Variants in ZFYVE28 observed in about 807,000 individuals in gnomAD.
ZFYVE28 encodes zinc finger FYVE-type containing 28, also known as lateral signaling target protein 2 homolog.
In ZFYVE28, 40 loss-of-function variants were observed where a neutral mutation model predicts 82.1. That is an observed-to-expected ratio of 0.49 (90% CI 0.38 to 0.63). ZFYVE28 has a LOEUF of 0.63. Among genes scored for constraint, ZFYVE28 ranks in the 30% least tolerant of loss-of-function variants. ZFYVE28 has a pLI of 0.00. For missense variants in ZFYVE28, 1,321 were observed against 1,242.1 expected (o/e 1.06, Z -0.96); for synonymous variants, 612 against 546.1 (o/e 1.12, Z -1.68).
chr4:2,346,165 A>G (rs58893146), intron 2 of ZFYVE28, among the ~76,000 whole-genome samples: 6 of 6,656 alleles, frequency 9.0e-4, no homozygotes, highest in East Asian at 9.6e-3. Context: ...CGTCTCTACT[A>G]AAAAAAAAAA....
intron 2 of ZFYVE28, among the ~76,000 whole-genome samples, chr4:2,351,441 C>T (rs992939739): frequency 1.3e-5 from 2 of 152,176 alleles, no homozygotes; most frequent in Non-Finnish European, 2.9e-5. Flanking sequence ...GGGCCAGGCA[C>T]GGTGACTCAT....
In ZFYVE28 at chr4:2,273,024, G is replaced by A. The variant is rs1040094891; in HGVS notation, c.2323+149C>T. 5.6e-5 allele frequency: 38 copies of A among 673,792 alleles called. 1 individual carries two copies. The highest frequency in any genetic ancestry group is 8.6e-4 in the Middle Eastern group (2 of 2,336). The allele number at this position is 673,792 out of a possible 1,614,324, so 41.7% of individuals were successfully genotyped here. A position where few individuals can be genotyped will look rare whatever the true frequency, so the allele number is the denominator to read the frequency against. On this transcript the variant is annotated intron_variant, in intron 10 of 12. Transcript: ENST00000290974. ...GGCAGCCTGGCACATTTGGAGTGCA[G>A]AGGTCAGGGGATCCTGGGGTCGACG...
At chr4:2,301,708 A>C (rs189343182) in intron 8 of ZFYVE28, among the ~76,000 whole-genome samples, 12 of 151,078 alleles carry the variant, frequency 7.9e-5, no homozygotes, top group African/African-American at 2.9e-4. Context: ...CAAACCAAAA[A>C]CTCTCCCACT....
chr4:2,275,722 G>A (rs1430722163), intron 8 of ZFYVE28, among the ~76,000 whole-genome samples: 1 of 152,218 alleles, frequency 6.6e-6, no homozygotes, highest in Non-Finnish European at 1.5e-5. Flanking sequence ...CAACCACTTC[G>A]GAAAAAATGT....
At chr4:2,307,292 T>G (rs987041188) in intron 7 of ZFYVE28, among the ~76,000 whole-genome samples, 4 of 152,222 alleles carry the variant, frequency 2.6e-5, no homozygotes, top group African/African-American at 7.2e-5. Context: ...TATTTTGGAT[T>G]TGAGTTCTTT....
At chr4:2,293,531 A>T (rs1440600601) in intron 8 of ZFYVE28, among the ~76,000 whole-genome samples, 1 of 152,152 alleles carries the variant, frequency 6.6e-6, no homozygotes, top group African/African-American at 2.4e-5. Flanking sequence ...AGGCAGGTGG[A>T]TCACGAGGTC....
In ZFYVE28 at chr4:2,271,463, G is replaced by A. The variant is rs1227096609; in HGVS notation, c.2429-49C>T. 1.9e-6 allele frequency: 3 copies of A among 1,583,916 alleles called. No individual in the cohort carries two copies. The Admixed American group carries it at 5.1e-5, about 27-fold the overall frequency. On this transcript the variant is annotated intron_variant, in intron 11 of 12. Coordinates refer to ENST00000290974, the MANE Select transcript of ZFYVE28 (RefSeq NM_020972.3). ...CATCAGCGACGGCAGGAGCAGGTGG[G>A]CTGGGCCGGGACCCTCAACCTACCC...
chr4:2,298,288 G>A (rs1262770695), intron 8 of ZFYVE28, among the ~76,000 whole-genome samples: 8 of 152,182 alleles, frequency 5.3e-5, no homozygotes, highest in Non-Finnish European at 8.8e-5. Context: ...AACGGCAGAG[G>A]ATGAGTGGTG....
intron 1 of ZFYVE28, among the ~76,000 whole-genome samples, chr4:2,391,018 G>T (rs9994065): frequency 0.18 from 27,939 of 152,212 alleles, 3,065 homozygotes; most frequent in African/African-American, 0.31. Flanking sequence ...CTGCTGTGGG[G>T]CAGGGAGCAG....
At chr4:2,388,722 C>T (rs972251679) in intron 1 of ZFYVE28, among the ~76,000 whole-genome samples, 4 of 152,226 alleles carry the variant, frequency 2.6e-5, no homozygotes, top group Non-Finnish European at 4.4e-5. Context: ...GCTCCACTTC[C>T]GAGGGCTGGG....
intron 1 of ZFYVE28, among the ~76,000 whole-genome samples, chr4:2,413,865 G>T (rs1301214754): frequency 1.3e-5 from 2 of 152,216 alleles, no homozygotes; most frequent in Non-Finnish European, 2.9e-5. Context: ...ACTCGTGCCA[G>T]GCCCCAGTGT....
chr4:2,359,490 AAT>A, intron 1 of ZFYVE28, among the ~76,000 whole-genome samples: 2 of 152,296 alleles, frequency 1.3e-5, no homozygotes, highest in South Asian at 4.1e-4. Flanking sequence ...GCCCTAATCC[AAT>A]ATACCTGGTG....
intron 1 of ZFYVE28, among the ~76,000 whole-genome samples, chr4:2,399,677 A>G: frequency 6.6e-6 from 1 of 152,212 alleles, no homozygotes; most frequent in East Asian, 1.9e-4. Flanking sequence ...CAGGTGGCCT[A>G]CAGAGAAGCC....
At position 2,339,410 on chromosome 4, in the gene ZFYVE28, C is replaced by T. The variant is rs2071681; in HGVS notation, c.521+43G>A. 256,220 of 1,589,902 alleles carry T rather than the reference C, an allele frequency of 0.16. 25,236 individuals are homozygous for T. The highest frequency in any genetic ancestry group is 0.49 in the East Asian group (21,474 of 44,244). On this transcript the variant is annotated intron_variant, in intron 4 of 12. Transcript: ENST00000290974. The surrounding 1 kb of genome is among the most constrained non-coding windows in gnomAD (Gnocchi z 5.0). ...GCCCCGGAAGCTGGCACAACCGTCC[C>T]CCAGCTCATACAGCCAGGGCTGTGG...
chr4:2,320,915 G>A lies in ZFYVE28; in HGVS notation c.702-644C>T, dbSNP rs78454727. The stretch of plus-strand genomic sequence containing the variant: ...CCTCACTGTCCCTCCCCCAGAGTCC[G>A]GCTCAAAGCCTGCTGAAGGACAAGC... On this transcript the variant is annotated intron_variant, in intron 6 of 12. Coordinates refer to ENST00000290974, the MANE Select transcript of ZFYVE28 (RefSeq NM_020972.3). This position sits in a 1 kb window ranked among gnomAD's most constrained non-coding sequence, Gnocchi z 5.1. Among the ~76,000 whole-genome samples, 4,117 of 152,166 alleles carry A rather than the reference G, an allele frequency of 0.027. 198 individuals are homozygous for A. The highest frequency in any genetic ancestry group is 0.094 in the African/African-American group (3,903 of 41,504).
chr4:2,274,537 C>T (rs1736223203), intron 8 of ZFYVE28, among the ~76,000 whole-genome samples: 1 of 152,074 alleles, frequency 6.6e-6, no homozygotes, highest in Admixed American at 6.6e-5. Flanking sequence ...CGACCGACTG[C>T]CCCTATGGAA....
rs568551787 is a variant in ZFYVE28, at chr4:2,290,330, G to A, written c.2051+13959C>T. ...CTCCTCAGCTACAGAACAGGGTCTCGAACTCTTGGCCTCCCAAAGTGTGAT... is the reference window on the plus strand; with the variant it reads ...CTCCTCAGCTACAGAACAGGGTCTCAAACTCTTGGCCTCCCAAAGTGTGAT... On this transcript the variant is annotated intron_variant, in intron 8 of 12. Coordinates refer to ENST00000290974, the MANE Select transcript of ZFYVE28 (RefSeq NM_020972.3). 5.2e-4 allele frequency among the ~76,000 whole-genome samples: 79 copies of A among 152,268 alleles called. 1 individual carries two copies. Among genetic ancestry groups the A allele is most frequent in the Admixed American group, 2.0e-3 (30 of 15,304 alleles).
chr4:2,406,429 A>C (rs1051399734), intron 1 of ZFYVE28: 2 of 152,178 alleles, frequency 1.3e-5, no homozygotes, highest in Non-Finnish European at 2.9e-5. Context: ...TGTGACTGAG[A>C]CCAGGATTAA....
At chr4:2,308,499 G>A (rs1430501487) in intron 7 of ZFYVE28, among the ~76,000 whole-genome samples, 5 of 114,812 alleles carry the variant, frequency 4.4e-5, no homozygotes, top group Non-Finnish European at 6.7e-5. Context: ...TACAAGGAAG[G>A]AAGGAAGGGA....
Sources: gnomAD v4.1 joint callset for allele counts (sites outside exome capture counted in the v4.1 genomes callset) on GRCh38, gnomAD v4.1.1 for gene constraint, Gnocchi (gnomAD v3.1) non-coding constraint, MANE v1.5 for transcripts, NCBI Gene and HGNC (gene_info 2026-07-23, HGNC 2026-07-21) for gene names.